The following TMEM51 variants were observed in gnomAD, a reference collection of about 807,000 sequenced individuals.
TMEM51 encodes the protein chromosome 1 open reading frame 72.
A neutral mutation model predicts 13.6 loss-of-function variants in TMEM51; 8 were observed. The ratio of observed to expected loss-of-function variants is 0.59; its 90% confidence interval spans 0.35 to 1.07. TMEM51 has a LOEUF of 1.07. TMEM51 is among the 50% of genes least tolerant of loss of function. The probability of loss-of-function intolerance (pLI) is 0.02; values close to 1 mark genes in which losing one functional copy is unlikely to be tolerated. For missense variants in TMEM51, 279 were observed against 330.7 expected (o/e 0.84, Z 1.21); for synonymous variants, 147 against 144.4 (o/e 1.02, Z -0.13).
At chr1:15,193,106 G>T (rs561383266) in intron 1 of TMEM51, among the ~76,000 whole-genome samples, 1 of 152,316 alleles carries the variant, frequency 6.6e-6, no homozygotes, top group South Asian at 2.1e-4. Flanking sequence ...CAGCACCGGC[G>T]TAGCAGCCCG....
At chr1:15,192,024 T>C (rs1643932327) in intron 1 of TMEM51, 1 of 531,402 alleles carries the variant, frequency 1.9e-6, no homozygotes, top group South Asian at 1.4e-5. Context: ...CGTCTGTATT[T>C]GAAATGCCAT....
rs771801411 is a variant in TMEM51, at chr1:15,215,071, G to A, written c.-17G>A. 5 of 1,592,562 alleles carry A rather than the reference G, an allele frequency of 3.1e-6. No homozygotes were observed. The highest frequency in any genetic ancestry group is 1.7e-4 in the Middle Eastern group (1 of 6,002). On this transcript the variant is annotated 5_prime_UTR_variant, in exon 3 of 4. Coordinates refer to ENST00000376008, the MANE Select transcript of TMEM51 (RefSeq NM_001136218.2). ...ATTTTCTTTCTTGGAACTGGGCCTC[G>A]CCCTCCTCCCACTGACATGATGGCC...
Position 15,219,613 on chromosome 1 carries a change from T to C in TMEM51, c.632T>C (p.Leu211Pro), listed in dbSNP as rs939282041. 1.2e-6 allele frequency: 2 copies of C among 1,613,888 alleles called. No homozygotes were observed. The highest frequency in any genetic ancestry group is 2.7e-5 in the African/African-American group (2 of 74,872). Residue 211 changes from leucine to proline, a missense_variant, in exon 4 of 4, where the codon CTT (leucine) becomes CCT (proline). Coordinates refer to ENST00000376008, the MANE Select transcript of TMEM51 (RefSeq NM_001136218.2). ...LKVRRIKSEK[L>P]HLKDFRINLP... ...GTTCGAAGGATTAAATCTGAAAAGCTTCACCTCAAAGACTTTAGGATCAAC... is the reference window on the plus strand; with the variant it reads ...GTTCGAAGGATTAAATCTGAAAAGCCTCACCTCAAAGACTTTAGGATCAAC...
intron 1 of TMEM51, among the ~76,000 whole-genome samples, chr1:15,206,513 T>C (rs1644253617): frequency 6.6e-6 from 1 of 152,078 alleles, no homozygotes; most frequent in African/African-American, 2.4e-5. Context: ...GACTTCACAG[T>C]CAGCTGGATT....
chr1:15,165,040 A>G (rs1043892883), intron 1 of TMEM51, among the ~76,000 whole-genome samples: 2 of 152,152 alleles, frequency 1.3e-5, no homozygotes, highest in African/African-American at 4.8e-5. Flanking sequence ...TGACCTTGTG[A>G]TCCGCCCACC....
chr1:15,152,807 T>C (rs911053029), upstream of TMEM51: 3 of 152,068 alleles, frequency 2.0e-5, no homozygotes, highest in Admixed American at 1.3e-4. Flanking sequence ...CGCGCCGACT[T>C]CGGGTTTGCA....
chr1:15,159,881 C>T (rs1287819619), intron 1 of TMEM51, among the ~76,000 whole-genome samples: 1 of 152,152 alleles, frequency 6.6e-6, no homozygotes, highest in Admixed American at 6.5e-5. Flanking sequence ...TGGAAGCTTC[C>T]CAGGCCCATC....
intron 1 of TMEM51, among the ~76,000 whole-genome samples, chr1:15,169,469 C>T (rs931173995): frequency 3.3e-5 from 5 of 152,104 alleles, no homozygotes; most frequent in African/African-American, 1.2e-4. Context: ...AAGTTTGCCC[C>T]TGAAATAAAT....
chr1:15,202,737 T>C (rs1339324088), intron 1 of TMEM51, among the ~76,000 whole-genome samples: 2 of 152,192 alleles, frequency 1.3e-5, no homozygotes, highest in African/African-American at 4.8e-5. Flanking sequence ...AACTTAATCA[T>C]GTCCAAAAAG....
At chr1:15,174,889 G>T (rs763325516) in intron 1 of TMEM51, among the ~76,000 whole-genome samples, 1 of 152,116 alleles carries the variant, frequency 6.6e-6, no homozygotes, top group African/African-American at 2.4e-5. Context: ...CCACCTTCAT[G>T]ACCTCATCTA....
At position 15,201,238 on chromosome 1, in the gene TMEM51, AG is replaced by A. The variant is rs374534080; in HGVS notation, c.-266-9251del. Among the ~76,000 whole-genome samples the A allele has an allele frequency of 7.2e-4, 109 of 152,336 alleles. 2 individuals carry two copies. In the East Asian group the frequency reaches 0.014, roughly 19 times the overall value. The stretch of plus-strand genomic sequence containing the variant: ...CTTTTTCATCAGCTTGGGAAGTTTA[AG>A]CATGGTAATAAATAACTGAGAAATT... On this transcript the variant is annotated intron_variant, in intron 1 of 3. Coordinates refer to ENST00000376008, the MANE Select transcript of TMEM51 (RefSeq NM_001136218.2).
At chr1:15,201,885 A>G (rs1040372374) in intron 1 of TMEM51, among the ~76,000 whole-genome samples, 2 of 152,198 alleles carry the variant, frequency 1.3e-5, no homozygotes, top group Admixed American at 1.3e-4. Context: ...GTCTGGGAAC[A>G]CAGAGGGCTT....
chr1:15,166,068 G>A (rs1642986587), intron 1 of TMEM51, among the ~76,000 whole-genome samples: 1 of 152,208 alleles, frequency 6.6e-6, no homozygotes. Context: ...AGTTATGGAT[G>A]GGGGTAGCCA....
chr1:15,199,708 T>G (rs1557851243), intron 1 of TMEM51, among the ~76,000 whole-genome samples: 1 of 152,120 alleles, frequency 6.6e-6, no homozygotes, highest in African/African-American at 2.4e-5. Flanking sequence ...TGATATACTT[T>G]CCCTGTGGTA....
At chr1:15,201,346 CA>C (rs1309591906) in intron 1 of TMEM51, among the ~76,000 whole-genome samples, 3 of 149,100 alleles carry the variant, frequency 2.0e-5, no homozygotes, top group Admixed American at 1.3e-4. Context: ...TAAATAAAAA[CA>C]AAACAGAATA....
At chr1:15,217,559 C>A (rs544892072) in intron 3 of TMEM51, among the ~76,000 whole-genome samples, 22 of 152,264 alleles carry the variant, frequency 1.4e-4, no homozygotes, top group Admixed American at 1.4e-3. Flanking sequence ...AATTTGCCAT[C>A]TGTAAGCTGC....
intron 1 of TMEM51, among the ~76,000 whole-genome samples, chr1:15,160,948 G>A (rs6681992): frequency 0.22 from 32,590 of 151,574 alleles, 3,713 homozygotes; most frequent in East Asian, 0.31. Flanking sequence ...AGCACAGCCC[G>A]TGAAGGAGGA....
chr1:15,215,006 T>A lies in TMEM51; in HGVS notation c.-82T>A, dbSNP rs1244447106. On this transcript the variant is annotated 5_prime_UTR_variant, in exon 3 of 4. Transcript: ENST00000376008. ...GGGCGAGAGATTTTGTGGAGCGCAT[T>A]TAAGGGGTTTTTGTTGTGACTGCTG... 7.7e-7 allele frequency: 1 copy of A among 1,303,302 alleles called. No homozygotes were observed. Among genetic ancestry groups the A allele is most frequent in the Admixed American group, 2.1e-5 (1 of 47,974 alleles). The allele number at this position is 1,303,302 out of a possible 1,614,324, so 80.7% of individuals were successfully genotyped here. A position where few individuals can be genotyped will look rare whatever the true frequency, so the allele number is the denominator to read the frequency against.
At chr1:15,174,717 G>T (rs1643400964) in intron 1 of TMEM51, among the ~76,000 whole-genome samples, 1 of 152,158 alleles carries the variant, frequency 6.6e-6, no homozygotes, top group African/African-American at 2.4e-5. Flanking sequence ...GTTCTGGGGG[G>T]TGTAGTTTAA....
Sources: gnomAD v4.1 joint callset for allele counts (sites outside exome capture counted in the v4.1 genomes callset) on GRCh38, gnomAD v4.1.1 for gene constraint, MANE v1.5 for transcripts, NCBI Gene and HGNC (gene_info 2026-07-23, HGNC 2026-07-21) for gene names.